The following SEZ6L variants were observed in gnomAD, a reference collection of about 807,000 sequenced individuals.
SEZ6L encodes seizure related 6 homolog like.
Under a neutral mutation model 106.2 loss-of-function variants are expected in SEZ6L, and 37 were observed. That is an observed-to-expected ratio of 0.35 (90% CI 0.27 to 0.46). SEZ6L has a LOEUF of 0.46. Ranked by LOEUF, SEZ6L falls within the 20% of genes least tolerant of loss-of-function variation. The pLI is 1.00. For synonymous variants in SEZ6L, 541 were observed against 570.4 expected, an observed-to-expected ratio of 0.95 and a Z score of 0.73; for missense variants, 1,172 against 1,332.8, an observed-to-expected ratio of 0.88 and a Z score of 1.88.
Position 26,306,152 on chromosome 22 carries a change from T to C in SEZ6L, c.1514+8T>C, listed in dbSNP as rs767481590. 6.2e-7 allele frequency: 1 copy of C among 1,612,116 alleles called. No homozygotes were observed. The highest frequency in any genetic ancestry group is 8.5e-7 in the Non-Finnish European group (1 of 1,179,830). On this transcript the variant is annotated splice_region_variant and intron_variant, in intron 6 of 16. Transcript: ENST00000248933. ...GCTGCATGACAAGGACAGGTAAAGCTCTGAAGGTCCACACCCAACCCCGTT... is the reference window on the plus strand; with the variant it reads ...GCTGCATGACAAGGACAGGTAAAGCCCTGAAGGTCCACACCCAACCCCGTT...
chr22:26,340,347 A>AT, intron 9 of SEZ6L, 89 bp from the exon 10 acceptor site: 1 of 1,315,396 alleles, frequency 7.6e-7, no homozygotes, highest in Middle Eastern at 2.3e-4. Context: ...CACTTAACAA[A>AT]TTTTGTATTG....
At chr22:26,372,664 C>T (rs2084078310) in intron 13 of SEZ6L, among the ~76,000 whole-genome samples, 2 of 152,166 alleles carry the variant, frequency 1.3e-5, no homozygotes, top group Non-Finnish European at 2.9e-5. Flanking sequence ...CTGTAATAAA[C>T]ATCCATCCTT....
At chr22:26,367,474 G>T (rs779620397) in intron 13 of SEZ6L, among the ~76,000 whole-genome samples, 5 of 152,052 alleles carry the variant, frequency 3.3e-5, no homozygotes, top group Non-Finnish European at 7.4e-5. Context: ...CTCGCGAGTG[G>T]CTGGGACCAC....
intron 1 of SEZ6L, among the ~76,000 whole-genome samples, chr22:26,198,881 C>T (rs1470339718): frequency 6.6e-6 from 1 of 152,208 alleles, no homozygotes; most frequent in African/African-American, 2.4e-5. Flanking sequence ...GGAGATGTGG[C>T]CACCTGGAAT....
At chr22:26,346,180 A>G (rs2083001371) in intron 10 of SEZ6L, among the ~76,000 whole-genome samples, 2 of 152,146 alleles carry the variant, frequency 1.3e-5, no homozygotes, top group African/African-American at 2.4e-5. Context: ...AACACGTGCC[A>G]TCATACCTGG....
Position 26,310,691 on chromosome 22 carries a change from G to C in SEZ6L, c.1536G>C (p.Gln512His), listed in dbSNP as rs1479968430. 3.1e-6 allele frequency: 5 copies of C among 1,614,032 alleles called. No individual in the cohort carries two copies. In the African/African-American group the frequency reaches 4.0e-5, roughly 13 times the overall value. Residue 512 changes from glutamine (Q) to histidine (H), a missense_variant, in exon 7 of 17, where the codon CAG (glutamine) becomes CAC (histidine). Around this residue, in one of 4 missense-constraint regions of SEZ6L, gnomAD observed 534 missense variants for 691.0 expected, o/e 0.77. Coordinates refer to ENST00000248933, the MANE Select transcript of SEZ6L (RefSeq NM_021115.5). ...DKDRMTVHSG[Q>H]TNKSALLYDS... The stretch of plus-strand genomic sequence containing the variant: ...CCAGGATGACGGTTCACAGCGGGCA[G>C]ACCAACAAGTCAGCTCTTCTCTACG...
intron 1 of SEZ6L, among the ~76,000 whole-genome samples, chr22:26,280,287 T>C (rs2080720701): frequency 6.6e-6 from 1 of 152,158 alleles, no homozygotes; most frequent in Non-Finnish European, 1.5e-5. Context: ...TATATACATA[T>C]ATATGCATGT....
intron 1 of SEZ6L, among the ~76,000 whole-genome samples, chr22:26,268,617 G>A (rs1465021918): frequency 6.6e-6 from 1 of 152,160 alleles, no homozygotes; most frequent in Non-Finnish European, 1.5e-5. Context: ...AGGGCACATA[G>A]GCCAGGGTCT....
chr22:26,281,891 A>T (rs1252854181), intron 1 of SEZ6L, among the ~76,000 whole-genome samples: 1 of 152,168 alleles, frequency 6.6e-6, no homozygotes, highest in Admixed American at 6.5e-5. Context: ...AACATTACGG[A>T]ATCCTTGGTC....
intron 12 of SEZ6L, among the ~76,000 whole-genome samples, chr22:26,356,328 GT>G (rs901514177): frequency 5.9e-5 from 9 of 151,878 alleles, no homozygotes; most frequent in East Asian, 5.8e-4. Context: ...AAGAAAAACG[GT>G]TTTTTTTATT....
At chr22:26,220,923 GGA>G (rs1210552897) in intron 1 of SEZ6L, among the ~76,000 whole-genome samples, 4 of 151,888 alleles carry the variant, frequency 2.6e-5, no homozygotes, top group Non-Finnish European at 5.9e-5. Context: ...ATGGATGGAT[GGA>G]TGGGTGGATG....
chr22:26,378,644 G>A (rs1246621770), intron 16 of SEZ6L, among the ~76,000 whole-genome samples: 1 of 152,204 alleles, frequency 6.6e-6, no homozygotes, highest in African/African-American at 2.4e-5. Flanking sequence ...GCTGAGACAT[G>A]GGAAGTGGGT....
At chr22:26,372,209 T>C (rs1879868449) in intron 13 of SEZ6L, among the ~76,000 whole-genome samples, 1 of 152,230 alleles carries the variant, frequency 6.6e-6, no homozygotes, top group African/African-American at 2.4e-5. Flanking sequence ...GGTCCACCGC[T>C]GAGAATACCG....
At chr22:26,206,831 G>A (rs1167870805) in intron 1 of SEZ6L, among the ~76,000 whole-genome samples, 1 of 152,192 alleles carries the variant, frequency 6.6e-6, no homozygotes, top group African/African-American at 2.4e-5. Context: ...GAGTAACTGA[G>A]CTATCTCTTT....
At chr22:26,346,342 T>C (rs2083007333) in intron 10 of SEZ6L, among the ~76,000 whole-genome samples, 1 of 152,224 alleles carries the variant, frequency 6.6e-6, no homozygotes, top group Non-Finnish European at 1.5e-5. Context: ...GTGCCCACCT[T>C]CTTTTTATTT....
At chr22:26,225,591 A>C (rs1010378634) in intron 1 of SEZ6L, among the ~76,000 whole-genome samples, 1 of 152,200 alleles carries the variant, frequency 6.6e-6, no homozygotes, top group Non-Finnish European at 1.5e-5. Flanking sequence ...TAGCTGTGTT[A>C]GGGTAATGCA....
intron 1 of SEZ6L, chr22:26,254,025 A>G (rs2145800622): frequency 6.6e-6 from 1 of 152,374 alleles, no homozygotes; most frequent in East Asian, 1.9e-4. Flanking sequence ...TCCTTCGTAG[A>G]GGTCAAGTGA....
In SEZ6L at chr22:26,347,723, A is replaced by G. The variant is rs149869184; in HGVS notation, c.2217A>G (p.Val739=). The G allele has an allele frequency of 6.8e-3, 10,915 of 1,601,694 alleles. 46 individuals carry two copies. The highest frequency in any genetic ancestry group is 8.0e-3 in the Non-Finnish European group (9,398 of 1,175,822). Residue 739 remains valine, a synonymous_variant, in exon 11 of 17, where the codon GTA becomes GTG. Transcript: ENST00000248933. ...GQGFIMNYIE[V]SRNDSCSDLP... ...ACTGACGTTTCTCTTTTAAAGAGGT[A>G]TCAAGGAATGACTCCTGCTCGGATT...
At chr22:26,371,229 C>A (rs185679071) in intron 13 of SEZ6L, among the ~76,000 whole-genome samples, 5 of 152,150 alleles carry the variant, frequency 3.3e-5, no homozygotes, top group African/African-American at 4.8e-5. Flanking sequence ...CCCATGAATC[C>A]TTGGATGCTG....
Sources: allele counts gnomAD v4.1 joint callset (sites outside exome capture counted in the v4.1 genomes callset), GRCh38; gene constraint gnomAD v4.1.1; regional missense constraint gnomAD v4.1.1; transcripts MANE v1.5; gene names NCBI Gene and HGNC (gene_info 2026-07-23, HGNC 2026-07-21).